GALNT17: variants seen among roughly 807,000 people sequenced by gnomAD.
GALNT17 encodes UDP-GalNAc:polypeptide N-acetylgalactosaminyltransferase-like 3.
Under a neutral mutation model 63.7 loss-of-function variants are expected in GALNT17, and 29 were observed. That is an observed-to-expected ratio of 0.46 (90% CI 0.34 to 0.62). The LOEUF is 0.62. GALNT17 is among the 20% of genes least tolerant of loss of function. GALNT17 has a pLI of 0.01. For missense variants in GALNT17, 603 were observed against 799.6 expected, an observed-to-expected ratio of 0.75 and a Z score of 2.97; for synonymous variants, 305 against 318.3, an observed-to-expected ratio of 0.96 and a Z score of 0.45.
At chr7:71,135,814 G>A (rs937827497) in intron 1 of GALNT17, among the ~76,000 whole-genome samples, 13 of 152,298 alleles carry the variant, frequency 8.5e-5, no homozygotes, top group South Asian at 2.1e-4. Context: ...ATCAACTGGC[G>A]TCTGGCTTCC....
chr7:71,585,410 C>T (rs1789700569), intron 6 of GALNT17, among the ~76,000 whole-genome samples: 1 of 152,218 alleles, frequency 6.6e-6, no homozygotes, highest in Non-Finnish European at 1.5e-5. Flanking sequence ...ACTCTACACT[C>T]ATTCTGCATT....
At chr7:71,137,625 T>G (rs1787811206) in intron 1 of GALNT17, among the ~76,000 whole-genome samples, 1 of 151,078 alleles carries the variant, frequency 6.6e-6, no homozygotes, top group East Asian at 2.0e-4. Context: ...TGGAGAGGGG[T>G]GGGGGCTGGG....
At chr7:71,240,805 C>CA (rs1359813581) in intron 1 of GALNT17, among the ~76,000 whole-genome samples, 1 of 152,022 alleles carries the variant, frequency 6.6e-6, no homozygotes, top group Non-Finnish European at 1.5e-5. Flanking sequence ...GCTGGGACTA[C>CA]AGGCGCCCGC....
At chr7:71,318,688 A>G (rs1791546974) in intron 1 of GALNT17, among the ~76,000 whole-genome samples, 1 of 152,026 alleles carries the variant, frequency 6.6e-6, no homozygotes, top group Non-Finnish European at 1.5e-5. Context: ...TCAGCCTCCC[A>G]AAGTGCTGGA....
intron 5 of GALNT17, among the ~76,000 whole-genome samples, chr7:71,453,553 G>T (rs544796021): frequency 2.0e-5 from 3 of 152,202 alleles, no homozygotes; most frequent in Non-Finnish European, 4.4e-5. Context: ...CTTCCCCCAT[G>T]ATTTAATTAC....
chr7:71,258,323 A>G (rs913338658), intron 1 of GALNT17, among the ~76,000 whole-genome samples: 2 of 152,236 alleles, frequency 1.3e-5, no homozygotes, highest in African/African-American at 2.4e-5. Flanking sequence ...ATGCTGATTC[A>G]TGGTCAAGAG....
chr7:71,275,055 C>T (rs1391943322), intron 1 of GALNT17, among the ~76,000 whole-genome samples: 1 of 152,120 alleles, frequency 6.6e-6, no homozygotes, highest in Non-Finnish European at 1.5e-5. Context: ...GGCTCTTGAA[C>T]AAATCTACTG....
At chr7:71,432,106 C>T (rs183967056) in intron 5 of GALNT17, among the ~76,000 whole-genome samples, 9 of 151,742 alleles carry the variant, frequency 5.9e-5, no homozygotes, top group African/African-American at 9.7e-5. Flanking sequence ...ACATGGGACG[C>T]GGAGGTTGCA....
At chr7:71,443,990 G>A (rs1787115462) in intron 5 of GALNT17, among the ~76,000 whole-genome samples, 2 of 152,168 alleles carry the variant, frequency 1.3e-5, no homozygotes, top group Non-Finnish European at 2.9e-5. Context: ...GCCTCCCAAA[G>A]TGCTGGAATT....
At chr7:71,309,149 C>G (rs1791366428) in intron 1 of GALNT17, among the ~76,000 whole-genome samples, 1 of 152,032 alleles carries the variant, frequency 6.6e-6, no homozygotes, top group Admixed American at 6.6e-5. Context: ...CCCTTCAGTG[C>G]CATTTTTCCA....
At chr7:71,395,048 G>A (rs780751178) in intron 3 of GALNT17, among the ~76,000 whole-genome samples, 5 of 152,056 alleles carry the variant, frequency 3.3e-5, no homozygotes, top group Non-Finnish European at 5.9e-5. Context: ...GTTGCATTGA[G>A]CCGAGATCAT....
intron 1 of GALNT17, among the ~76,000 whole-genome samples, chr7:71,255,290 A>T (rs1790269646): frequency 6.6e-6 from 1 of 152,170 alleles, no homozygotes; most frequent in African/African-American, 2.4e-5. Context: ...AATAAGTCTC[A>T]TGAGATCTGA....
At chr7:71,336,400 A>G (rs1583871146) in intron 2 of GALNT17, among the ~76,000 whole-genome samples, 1 of 152,196 alleles carries the variant, frequency 6.6e-6, no homozygotes, top group East Asian at 1.9e-4. Flanking sequence ...TAGGTTTGTT[A>G]TATAGGTTAA....
chr7:71,166,757 C>G (rs1012687272), intron 1 of GALNT17, among the ~76,000 whole-genome samples: 2 of 152,126 alleles, frequency 1.3e-5, no homozygotes, highest in African/African-American at 4.8e-5. Context: ...TGTATTGTCT[C>G]CAGATTGTAG....
chr7:71,286,896 T>G (rs1008957878), intron 1 of GALNT17, among the ~76,000 whole-genome samples: 1 of 151,812 alleles, frequency 6.6e-6, no homozygotes, highest in Admixed American at 6.6e-5. Flanking sequence ...GCTCAAGCCA[T>G]CCTCCCATCT....
chr7:71,215,213 C>A (rs1169450294), intron 1 of GALNT17, among the ~76,000 whole-genome samples: 3 of 152,136 alleles, frequency 2.0e-5, no homozygotes, highest in Non-Finnish European at 2.9e-5. Flanking sequence ...GAGTCCAGTT[C>A]CGGATTCATT....
chr7:71,652,569 A>G (rs1011350860), intron 6 of GALNT17, among the ~76,000 whole-genome samples: 1 of 152,178 alleles, frequency 6.6e-6, no homozygotes. Flanking sequence ...GCGAGTAACA[A>G]ATTAAAATAT....
At chr7:71,234,289 T>C (rs1292385451) in intron 1 of GALNT17, among the ~76,000 whole-genome samples, 2 of 152,084 alleles carry the variant, frequency 1.3e-5, no homozygotes, top group African/African-American at 2.4e-5. Context: ...TGAGTCAGAG[T>C]CTCACTCTGT....
chr7:71,518,739 C>T (rs139475721), intron 5 of GALNT17, among the ~76,000 whole-genome samples: 1 of 152,268 alleles, frequency 6.6e-6, no homozygotes, highest in East Asian at 1.9e-4. Context: ...TTTTAAAAAA[C>T]CCACTGCCAG....
Sources: allele counts gnomAD v4.1 joint callset (sites outside exome capture counted in the v4.1 genomes callset), GRCh38; gene constraint gnomAD v4.1.1; transcripts MANE v1.5; gene names NCBI Gene and HGNC (gene_info 2026-07-23, HGNC 2026-07-21).